BBS9: variants seen among roughly 807,000 people sequenced by gnomAD.
The protein encoded by BBS9 is Bardet-Biedl syndrome 9, also known as protein PTHB1.
BBS9 carries 89 observed loss-of-function variants against 117.7 expected under a neutral mutation model. The observed-to-expected ratio is 0.76, with a 90% CI of 0.64 to 0.90. The LOEUF (loss-of-function observed/expected upper bound fraction) is 0.90, where lower values mean the gene tolerates loss of function less well. Ranked by LOEUF, BBS9 falls within the 40% of genes least tolerant of loss-of-function variation. BBS9 has a pLI of 0.00. For missense variants in BBS9, 982 were observed against 1,042.2 expected, an observed-to-expected ratio of 0.94 and a Z score of 0.80; for synonymous variants, 379 against 370.9, an observed-to-expected ratio of 1.02 and a Z score of -0.25.
At chr7:33,208,406 C>A (rs2128221722) in intron 5 of BBS9, among the ~76,000 whole-genome samples, 1 of 152,322 alleles carries the variant, frequency 6.6e-6, no homozygotes. Flanking sequence ...CAGTGCTGCA[C>A]CCTTTCAAAT....
At chr7:33,328,978 A>ATT (rs1793274273) in intron 9 of BBS9, among the ~76,000 whole-genome samples, 1 of 147,358 alleles carries the variant, frequency 6.8e-6, no homozygotes, top group African/African-American at 2.5e-5. Flanking sequence ...TTAAAAAAGG[A>ATT]TAAGGTTTTC....
intron 19 of BBS9, among the ~76,000 whole-genome samples, chr7:33,483,984 T>C (rs1842798481): frequency 6.6e-6 from 1 of 152,192 alleles, no homozygotes; most frequent in South Asian, 2.1e-4. Flanking sequence ...CAAAGAATTT[T>C]CTTTTTGAGA....
At chr7:33,528,156 T>C (rs1707018135) in intron 20 of BBS9, among the ~76,000 whole-genome samples, 1 of 152,050 alleles carries the variant, frequency 6.6e-6, no homozygotes, top group African/African-American at 2.4e-5. Flanking sequence ...GAAGAGGAAA[T>C]TTTTTTCCCT....
At chr7:33,591,220 G>A (rs78197460) in intron 21 of BBS9, among the ~76,000 whole-genome samples, 110 of 151,936 alleles carry the variant, frequency 7.2e-4, no homozygotes, top group South Asian at 1.9e-3. Context: ...TAAATATTAA[G>A]CACCTACTCT....
intron 21 of BBS9, among the ~76,000 whole-genome samples, chr7:33,592,599 A>G (rs1862113988): frequency 6.6e-6 from 1 of 152,130 alleles, no homozygotes; most frequent in Non-Finnish European, 1.5e-5. Flanking sequence ...ATGATAAAAC[A>G]GGCACACTCC....
At chr7:33,292,683 A>G (rs1232944743) in intron 9 of BBS9, among the ~76,000 whole-genome samples, 1 of 152,160 alleles carries the variant, frequency 6.6e-6, no homozygotes, top group East Asian at 1.9e-4. Flanking sequence ...TGCTATGCTG[A>G]TAAGTATGCC....
At chr7:33,291,126 TTC>T (rs1803958997) in intron 9 of BBS9, among the ~76,000 whole-genome samples, 1 of 152,186 alleles carries the variant, frequency 6.6e-6, no homozygotes. Flanking sequence ...TACTATTTGT[TTC>T]TGTTTTGATA....
intron 6 of BBS9, among the ~76,000 whole-genome samples, chr7:33,261,220 A>G (rs1372999132): frequency 1.3e-5 from 2 of 152,066 alleles, no homozygotes; most frequent in African/African-American, 2.4e-5. Context: ...CTCAATTTAC[A>G]TAGTAGTTTT....
chr7:33,213,375 G>A (rs1429152080), intron 5 of BBS9, among the ~76,000 whole-genome samples: 1 of 152,160 alleles, frequency 6.6e-6, no homozygotes, highest in Non-Finnish European at 1.5e-5. Flanking sequence ...TCACCCTTCA[G>A]GGCAGTGGGC....
intron 1 of BBS9, among the ~76,000 whole-genome samples, chr7:33,143,814 C>T (rs1791911428): frequency 6.6e-6 from 1 of 151,840 alleles, no homozygotes; most frequent in South Asian, 2.1e-4. Context: ...ATCCTCCTGC[C>T]TCTGCCTCCC....
intron 21 of BBS9, among the ~76,000 whole-genome samples, chr7:33,628,421 C>T (rs1368625592): frequency 1.3e-5 from 2 of 152,160 alleles, no homozygotes; most frequent in African/African-American, 4.8e-5. Context: ...AGATAATTCA[C>T]TGTATTAACA....
At chr7:33,277,719 T>C (rs1801021908) in intron 9 of BBS9, among the ~76,000 whole-genome samples, 1 of 152,122 alleles carries the variant, frequency 6.6e-6, no homozygotes, top group African/African-American at 2.4e-5. Context: ...TGGGAAATGA[T>C]CCTGTTGCAT....
At chr7:33,550,959 G>A (rs1400280020) in intron 21 of BBS9, among the ~76,000 whole-genome samples, 3 of 151,866 alleles carry the variant, frequency 2.0e-5, no homozygotes, top group African/African-American at 7.3e-5. Context: ...TAGGGTTTTT[G>A]TATTCCTTTC....
chr7:33,327,438 A>G (rs1020593461), intron 9 of BBS9, among the ~76,000 whole-genome samples: 2 of 152,160 alleles, frequency 1.3e-5, no homozygotes, highest in Admixed American at 6.5e-5. Context: ...GGTGGTTCAC[A>G]CCTATATTCC....
chr7:33,195,998 A>G (rs1213119234), intron 5 of BBS9, among the ~76,000 whole-genome samples: 1 of 152,172 alleles, frequency 6.6e-6, no homozygotes, highest in East Asian at 1.9e-4. Flanking sequence ...AAGGAAGTGA[A>G]TGGATTTTTA....
At chr7:33,457,362 A>G (rs984810729) in intron 19 of BBS9, among the ~76,000 whole-genome samples, 10 of 152,182 alleles carry the variant, frequency 6.6e-5, no homozygotes, top group Non-Finnish European at 8.8e-5. Flanking sequence ...GTCTCTTAAT[A>G]TTGAGAAATA....
intron 19 of BBS9, among the ~76,000 whole-genome samples, chr7:33,482,481 G>C (rs892519993): frequency 6.6e-6 from 1 of 152,124 alleles, no homozygotes; most frequent in Middle Eastern, 3.2e-3. Context: ...ATGAAGGATG[G>C]CTCAAAATAG....
chr7:33,498,681 G>T (rs1440398284), intron 19 of BBS9, among the ~76,000 whole-genome samples: 1 of 152,144 alleles, frequency 6.6e-6, no homozygotes, highest in African/African-American at 2.4e-5. Context: ...TTTGTAGCGT[G>T]TATAAGTACT....
In BBS9 at chr7:33,631,356, TC is replaced by T. The variant is rs531308592; in HGVS notation, c.2522-3818del. Among the ~76,000 whole-genome samples the T allele has an allele frequency of 1.8e-3, 270 of 152,284 alleles. 1 individual carries two copies. The highest frequency in any genetic ancestry group is 9.5e-3 in the South Asian group (46 of 4,822). On this transcript the variant is annotated intron_variant, in intron 21 of 21. Coordinates refer to the BBS9 transcript ENST00000671952. ...GGACCCTCCTCTCCCATCATCTTCA[TC>T]CCTCAAGGCTCAGCTCTAGTGTCCC...
Sources: gnomAD v4.1 joint callset for allele counts (sites outside exome capture counted in the v4.1 genomes callset) on GRCh38, gnomAD v4.1.1 for gene constraint, MANE v1.5 for transcripts, NCBI Gene and HGNC (gene_info 2026-07-23, HGNC 2026-07-21) for gene names.